The following LSAMP variants were observed in gnomAD, a reference collection of about 807,000 sequenced individuals.
LSAMP encodes limbic system-associated membrane protein.
A neutral mutation model predicts 38.6 loss-of-function variants in LSAMP; 7 were observed. The observed-to-expected ratio is 0.18, with a 90% CI of 0.10 to 0.34. LSAMP has a LOEUF of 0.34. Among genes scored for constraint, LSAMP ranks in the 10% least tolerant of loss-of-function variants. The pLI is 1.00. For missense variants in LSAMP, 313 were observed against 420.0 expected (o/e 0.75, Z 2.23); for synonymous variants, 154 against 166.8 (o/e 0.92, Z 0.59).
chr3:116,160,226 C>A (rs1291165431), intron 1 of LSAMP, among the ~76,000 whole-genome samples: 1 of 152,056 alleles, frequency 6.6e-6, no homozygotes, highest in Non-Finnish European at 1.5e-5. Context: ...ATGGTGAAAC[C>A]CTGTCTCTAC....
At chr3:116,065,547 C>T (rs532641672) in intron 2 of LSAMP, among the ~76,000 whole-genome samples, 1 of 152,266 alleles carries the variant, frequency 6.6e-6, no homozygotes, top group Non-Finnish European at 1.5e-5. Flanking sequence ...TTAGCATAAA[C>T]TAGTTTTGTT....
At chr3:116,156,353 T>C (rs1412706491) in intron 1 of LSAMP, among the ~76,000 whole-genome samples, 1 of 152,106 alleles carries the variant, frequency 6.6e-6, no homozygotes, top group Non-Finnish European at 1.5e-5. Flanking sequence ...TAATTTGGGG[T>C]GGGGTCAGAG....
rs558798170 is a variant in LSAMP, at chr3:116,107,446, G to T, written c.156-20890C>A. ...TAGGCTAAAACAGTAAGGTCAAGTT[G>T]TTTGGACAGAAAGGCTACAGGGTGC... On this transcript the variant is annotated intron_variant, in intron 1 of 6. Transcript: ENST00000490035. Among the ~76,000 whole-genome samples, 24 of 152,346 alleles carry T rather than the reference G, an allele frequency of 1.6e-4. No individual in the cohort carries two copies. The South Asian group carries it at 4.8e-3, about 30-fold the overall frequency.
At chr3:116,062,964 G>C (rs545111827) in intron 2 of LSAMP, among the ~76,000 whole-genome samples, 23 of 152,268 alleles carry the variant, frequency 1.5e-4, no homozygotes, top group African/African-American at 5.5e-4. Context: ...AACATGAGAA[G>C]AGTATTCCAT....
chr3:116,424,549 A>G (rs1246188020), intron 1 of LSAMP, among the ~76,000 whole-genome samples: 2 of 152,222 alleles, frequency 1.3e-5, no homozygotes, highest in Non-Finnish European at 2.9e-5. Context: ...ACGGCAGTAC[A>G]TGGATAAAAA....
At chr3:115,869,045 A>T (rs1281926343) in intron 3 of LSAMP, among the ~76,000 whole-genome samples, 1 of 152,176 alleles carries the variant, frequency 6.6e-6, no homozygotes, top group Admixed American at 6.6e-5. Flanking sequence ...TTTCTAGCAC[A>T]CAGTTTGAAA....
intron 1 of LSAMP, among the ~76,000 whole-genome samples, chr3:116,109,938 T>C (rs992516172): frequency 1.4e-5 from 2 of 147,898 alleles, no homozygotes; most frequent in Admixed American, 6.7e-5. Flanking sequence ...AAATAAGGGA[T>C]TGGGGCACAG....
At chr3:116,430,239 G>A (rs2049263257) in intron 1 of LSAMP, among the ~76,000 whole-genome samples, 1 of 152,012 alleles carries the variant, frequency 6.6e-6, no homozygotes, top group Non-Finnish European at 1.5e-5. Context: ...CCAGTGGGAA[G>A]AAAATAATAG....
At chr3:116,179,579 A>G (rs915697442) in intron 1 of LSAMP, among the ~76,000 whole-genome samples, 2 of 152,142 alleles carry the variant, frequency 1.3e-5, no homozygotes, top group African/African-American at 4.8e-5. Flanking sequence ...ACTTTCAATC[A>G]TGCTGAAAGG....
At chr3:116,272,492 G>C (rs930636419) in intron 1 of LSAMP, among the ~76,000 whole-genome samples, 1 of 152,052 alleles carries the variant, frequency 6.6e-6, no homozygotes, top group Non-Finnish European at 1.5e-5. Flanking sequence ...ACTCAAATTG[G>C]TCATATCATG....
rs193257566 is a variant in LSAMP at position 115,874,196 on chromosome 3, C to T, written c.515-21579G>A. Among the ~76,000 whole-genome samples the T allele has an allele frequency of 9.3e-4, 141 of 152,174 alleles. 3 individuals carry two copies. Among genetic ancestry groups the T allele is most frequent in the Admixed American group, 8.3e-3 (126 of 15,270 alleles). On this transcript the variant is annotated intron_variant, in intron 3 of 6. Coordinates refer to ENST00000490035, the MANE Select transcript of LSAMP (RefSeq NM_002338.5). ...CAGCACGTAGATTGATTAATGTAAA[C>T]GGCACATGCTGTCTCTCCTCCTCCA...
chr3:115,843,121 T>A (rs1315580691), intron 4 of LSAMP, among the ~76,000 whole-genome samples: 1 of 152,228 alleles, frequency 6.6e-6, no homozygotes, highest in Admixed American at 6.5e-5. Context: ...TAGGATTAGG[T>A]GACTACCTTC....
At chr3:116,144,562 C>CTT (rs3071080) in intron 1 of LSAMP, among the ~76,000 whole-genome samples, 79,524 of 141,982 alleles carry the variant, frequency 0.56, 22,710 homozygotes, top group East Asian at 0.68. Context: ...CATCACCTTA[C>CTT]TTTTTTTTTT....
At position 116,096,969 on chromosome 3, in the gene LSAMP, T is replaced by C. The variant is rs908094747; in HGVS notation, c.156-10413A>G. 3.3e-5 allele frequency among the ~76,000 whole-genome samples: 5 copies of C among 152,356 alleles called. No individual in the cohort carries two copies. In the East Asian group the frequency reaches 9.6e-4, roughly 29 times the overall value. On this transcript the variant is annotated intron_variant, in intron 1 of 6. Coordinates refer to ENST00000490035, the MANE Select transcript of LSAMP (RefSeq NM_002338.5). ...AGAGAGGATGAGAAACAACTTTAAATTTTGCTTTTGTTTTGATTCTCCCTA... is the reference window on the plus strand; with the variant it reads ...AGAGAGGATGAGAAACAACTTTAAACTTTGCTTTTGTTTTGATTCTCCCTA...
At chr3:116,278,548 T>C (rs1044284078) in intron 1 of LSAMP, among the ~76,000 whole-genome samples, 4 of 152,174 alleles carry the variant, frequency 2.6e-5, no homozygotes, top group African/African-American at 4.8e-5. Context: ...GGCACAATTA[T>C]GACTGTTTTC....
chr3:116,072,894 A>T (rs1312025786), intron 2 of LSAMP, among the ~76,000 whole-genome samples: 1 of 151,886 alleles, frequency 6.6e-6, no homozygotes, highest in African/African-American at 2.4e-5. Context: ...TTCTGTGCAG[A>T]AGCACTTTAG....
At chr3:116,309,220 T>C (rs528642243) in intron 1 of LSAMP, among the ~76,000 whole-genome samples, 2 of 152,256 alleles carry the variant, frequency 1.3e-5, no homozygotes, top group East Asian at 3.9e-4. Flanking sequence ...AGCATCCTTC[T>C]TCCCATTTCA....
At chr3:116,188,081 A>C (rs1268877819) in intron 1 of LSAMP, among the ~76,000 whole-genome samples, 1 of 152,098 alleles carries the variant, frequency 6.6e-6, no homozygotes, top group Non-Finnish European at 1.5e-5. Context: ...TCATTCCAAC[A>C]CATAAAAACA....
chr3:116,017,073 A>C (rs1940505177), intron 3 of LSAMP, among the ~76,000 whole-genome samples: 1 of 152,134 alleles, frequency 6.6e-6, no homozygotes, highest in South Asian at 2.1e-4. Context: ...ATAGAAAAAC[A>C]AGCTATTAAG....
Sources: allele counts gnomAD v4.1 joint callset (sites outside exome capture counted in the v4.1 genomes callset), GRCh38; gene constraint gnomAD v4.1.1; transcripts MANE v1.5; gene names NCBI Gene and HGNC (gene_info 2026-07-23, HGNC 2026-07-21).